MRPL39: variants seen among roughly 807,000 people sequenced by gnomAD.
MRPL39 encodes large ribosomal subunit protein mL39.
In MRPL39, 35 loss-of-function variants were observed where a neutral mutation model predicts 44.5. The observed-to-expected ratio is 0.79, with a 90% CI of 0.60 to 1.04. The LOEUF is 1.04. Among genes scored for constraint, MRPL39 ranks in the 50% least tolerant of loss-of-function variants. The pLI is 0.00. For missense variants in MRPL39, 433 were observed against 413.5 expected (o/e 1.05, Z -0.41); for synonymous variants, 139 against 136.1 (o/e 1.02, Z -0.15).
At chr21:25,600,571 T>G (rs1292809377) in intron 4 of MRPL39, among the ~76,000 whole-genome samples, 2 of 55,404 alleles carry the variant, frequency 3.6e-5, no homozygotes, top group Non-Finnish European at 9.1e-5. Context: ...TATATCTACT[T>G]CTTTAAAAAA....
intron 4 of MRPL39, among the ~76,000 whole-genome samples, 187 bp downstream of exon 4, chr21:25,601,181 C>A (rs2031511144): frequency 6.6e-6 from 1 of 152,124 alleles, no homozygotes; most frequent in African/African-American, 2.4e-5. Flanking sequence ...TCCAGTAATT[C>A]TATGATGTTA....
chr21:25,588,701 G>A, intron 9 of MRPL39, 134 bp downstream of exon 9: 1 of 772,610 alleles, frequency 1.3e-6, no homozygotes, highest in Non-Finnish European at 2.1e-6. Context: ...TCACAACACT[G>A]CTTTGACTAT....
chr21:25,593,024 G>A, intron 7 of MRPL39, 59 bp from the exon 8 acceptor site: 1 of 1,412,290 alleles, frequency 7.1e-7, no homozygotes, highest in Non-Finnish European at 9.6e-7. Context: ...GTAAGAGCTT[G>A]AAAAAGAAAT....
In MRPL39 at chr21:25,601,102, C is replaced by T. The variant is rs1046552503; in HGVS notation, c.520+266G>A. Among the ~76,000 whole-genome samples, 11 of 152,128 alleles carry T rather than the reference C, an allele frequency of 7.2e-5. 1 individual carries two copies. In the East Asian group the frequency reaches 9.7e-4, roughly 13 times the overall value. On this transcript the variant is annotated intron_variant, in intron 4 of 9. Coordinates refer to ENST00000352957, the MANE Select transcript of MRPL39 (RefSeq NM_017446.4). ...CAGCCTGGGTGACAGAGTGAAACTCCGTCTCAAATAAATAAATAAACGCTG... is the reference window on the plus strand; with the variant it reads ...CAGCCTGGGTGACAGAGTGAAACTCTGTCTCAAATAAATAAATAAACGCTG...
At chr21:25,588,688 C>A (rs2031078753) in intron 9 of MRPL39, 147 bp downstream of exon 9, 1 of 670,206 alleles carries the variant, frequency 1.5e-6, no homozygotes, top group Non-Finnish European at 2.5e-6. Flanking sequence ...CACTAGTGAA[C>A]AATCACAACA....
upstream of MRPL39, chr21:25,607,504 T>A: frequency 6.2e-7 from 1 of 1,605,996 alleles, no homozygotes. Context: ...CGCGCGCAAG[T>A]CCTTCTCCGC....
At chr21:25,592,739 A>T (rs2031217132) in intron 8 of MRPL39, 73 bp downstream of exon 8, 2 of 1,121,000 alleles carry the variant, frequency 1.8e-6, no homozygotes, top group Admixed American at 2.7e-5. Context: ...TATTCTTCAA[A>T]CTGGTATAAA....
At chr21:25,587,755 T>C (rs760555524) in intron 9 of MRPL39, 3 of 1,613,352 alleles carry the variant, frequency 1.9e-6, no homozygotes, top group African/African-American at 1.3e-5. Context: ...GAAGAATGAC[T>C]GCGTAGTAAA....
rs1258961388 is a variant in MRPL39, at chr21:25,606,536, T to A, written c.193A>T (p.Ile65Leu). 6.2e-7 allele frequency: 1 copy of A among 1,614,100 alleles called. No homozygotes were observed. Among genetic ancestry groups the A allele is most frequent in the Non-Finnish European group, 8.5e-7 (1 of 1,179,942 alleles). Reference sequence around the variant, plus strand: ...GTTTTCCCAACATGCTTAACTTCTATCTTCTCAGTTCGGGGAGTTAATGAT... The same window carrying A: ...GTTTTCCCAACATGCTTAACTTCTAACTTCTCAGTTCGGGGAGTTAATGAT... ...QLSLTPRTEK[I>L]EVKHVGKTDP... is the part of the protein sequence containing the mutation. The change falls in exon 2 of 10, where the codon ATA becomes TTA. Residue 65 changes from isoleucine to leucine, a missense_variant. Ile to Leu is a conservative substitution (Grantham distance 5). Coordinates refer to ENST00000352957, the MANE Select transcript of MRPL39 (RefSeq NM_017446.4).
chr21:25,604,585 C>T (rs7279263), intron 2 of MRPL39, among the ~76,000 whole-genome samples: 95,114 of 152,020 alleles, frequency 0.63, 31,502 homozygotes, highest in Non-Finnish European at 0.75. Context: ...ACAGTAGTTA[C>T]CATTTTTTAA....
intron 8 of MRPL39, among the ~76,000 whole-genome samples, chr21:25,592,176 G>A (rs4817031): frequency 0.71 from 107,475 of 152,010 alleles, 39,245 homozygotes; most frequent in Non-Finnish European, 0.82. Flanking sequence ...GGTAATGGGG[G>A]CAACAGAGGG....
chr21:25,591,103 AC>A lies in MRPL39; in HGVS notation c.921+1708del. On this transcript the variant is annotated intron_variant, in intron 8 of 9. Coordinates refer to ENST00000352957, the MANE Select transcript of MRPL39 (RefSeq NM_017446.4). ...ACAAAAAAAAAAAAAAAAAAAAAAAACCTAAACCTAAATCTCACACTCATAG... is the reference window on the plus strand; with the variant it reads ...ACAAAAAAAAAAAAAAAAAAAAAAAACTAAACCTAAATCTCACACTCATAG... Among the ~76,000 whole-genome samples the A allele has an allele frequency of 1.5e-5, 2 of 133,686 alleles. 1 individual carries two copies. The highest frequency in any genetic ancestry group is 5.4e-5 in the African/African-American group (2 of 36,856). The allele number at this position is 133,686 out of a possible 152,430, so 87.7% of individuals were successfully genotyped here. A position where few individuals can be genotyped will look rare whatever the true frequency, so the allele number is the denominator to read the frequency against.
upstream of MRPL39, chr21:25,607,640 AC>A: frequency 5.9e-6 from 4 of 678,978 alleles, no homozygotes; most frequent in South Asian, 8.0e-5. Context: ...AGTGGCTGAG[AC>A]CCCGAGACTC....
chr21:25,597,588 T>C (rs1030636002), intron 5 of MRPL39, among the ~76,000 whole-genome samples, 174 bp from the exon 6 acceptor site: 4 of 152,188 alleles, frequency 2.6e-5, no homozygotes, highest in African/African-American at 9.6e-5. Flanking sequence ...TTTTGGACCA[T>C]AAACTATAAA....
chr21:25,597,644 AATT>A (rs1350777921), intron 5 of MRPL39, among the ~76,000 whole-genome samples: 1 of 152,216 alleles, frequency 6.6e-6, no homozygotes, highest in South Asian at 2.1e-4. Context: ...CATTAATACT[AATT>A]ATTAAAGAGA....
At chr21:25,587,719 A>G in intron 9 of MRPL39, 1 of 1,608,928 alleles carries the variant, frequency 6.2e-7, no homozygotes, top group Non-Finnish European at 8.5e-7. Context: ...TGTTCCATGG[A>G]GGAGGTACGA....
intron 6 of MRPL39, among the ~76,000 whole-genome samples, chr21:25,596,221 C>T (rs1471387827): frequency 6.6e-6 from 1 of 152,110 alleles, no homozygotes; most frequent in Non-Finnish European, 1.5e-5. Flanking sequence ...GCCTCAGCCT[C>T]CTGAGTAGCT....
chr21:25,592,731 T>G, intron 8 of MRPL39, 81 bp downstream of exon 8: 1 of 1,042,482 alleles, frequency 9.6e-7, no homozygotes, highest in Non-Finnish European at 1.3e-6. Context: ...AAAGTTTATA[T>G]TCTTCAAACT....
At chr21:25,601,494 A>T in intron 3 of MRPL39, 27 bp from the exon 4 acceptor site, 3 of 1,406,654 alleles carry the variant, frequency 2.1e-6, no homozygotes, top group Non-Finnish European at 2.9e-6. Flanking sequence ...CATATATAAA[A>T]TATATATAAA....
Sources: gnomAD v4.1 joint callset for allele counts (sites outside exome capture counted in the v4.1 genomes callset) on GRCh38, gnomAD v4.1.1 for gene constraint, MANE v1.5 for transcripts, NCBI Gene and HGNC (gene_info 2026-07-23, HGNC 2026-07-21) for gene names.